The following LY86 variants were observed in gnomAD, a reference collection of about 807,000 sequenced individuals.
The protein encoded by LY86 is MD-1, RP105-associated.
A neutral mutation model predicts 17.3 loss-of-function variants in LY86; 20 were observed. The ratio of observed to expected loss-of-function variants is 1.15; its 90% CI spans 0.81 to 1.68. The LOEUF is 1.68. LY86 is among the 40% of genes most tolerant of loss of function. The probability of loss-of-function intolerance (pLI) is 0.00; values close to 1 mark genes in which losing one functional copy is unlikely to be tolerated. For missense variants in LY86, 200 were observed against 191.9 expected (o/e 1.04, Z -0.25); for synonymous variants, 74 against 70.6 (o/e 1.05, Z -0.24).
At chr6:6,630,151 C>G (rs1332333061) in intron 3 of LY86, among the ~76,000 whole-genome samples, 1 of 151,994 alleles carries the variant, frequency 6.6e-6, no homozygotes, top group Non-Finnish European at 1.5e-5. Context: ...CAAGGTTACT[C>G]TTTTAAGTGT....
At chr6:6,612,287 G>A (rs772715117) in intron 1 of LY86, among the ~76,000 whole-genome samples, 46 of 152,264 alleles carry the variant, frequency 3.0e-4, no homozygotes, top group Non-Finnish European at 4.7e-4. Context: ...TTTCTTTCTC[G>A]TGGGTTAGTG....
rs1441286059 is a variant in LY86 at position 6,636,669 on chromosome 6, GGA to G, written c.352+10254_352+10255del. ...TTCCCTGGCCCTCTTGTCCCTGTGG[GGA>G]GAGAGTGTCATTTGCATCTCTCATG... is the stretch of plus-strand genomic sequence containing the variant. On this transcript the variant is annotated intron_variant, in intron 3 of 4. Coordinates refer to ENST00000230568, the MANE Select transcript of LY86 (RefSeq NM_004271.4). Among the ~76,000 whole-genome samples the G allele has an allele frequency of 5.9e-5, 9 of 152,140 alleles. No individual in the cohort carries two copies. In the East Asian group the frequency reaches 1.7e-3, roughly 29 times the overall value.
intron 3 of LY86, among the ~76,000 whole-genome samples, chr6:6,642,541 G>T (rs1762054422): frequency 6.6e-6 from 1 of 152,212 alleles, no homozygotes; most frequent in South Asian, 2.1e-4. Context: ...AGCCTTTAAG[G>T]CCCACTGGGA....
intron 1 of LY86, among the ~76,000 whole-genome samples, chr6:6,616,367 G>A (rs1017397391): frequency 6.6e-6 from 1 of 152,170 alleles, no homozygotes; most frequent in Non-Finnish European, 1.5e-5. Context: ...TGTACTGCAG[G>A]GTGAGACCCG....
At chr6:6,611,187 T>G (rs901133533) in intron 1 of LY86, among the ~76,000 whole-genome samples, 1 of 152,224 alleles carries the variant, frequency 6.6e-6, no homozygotes, top group Non-Finnish European at 1.5e-5. Flanking sequence ...CTTGATTTTA[T>G]GAAGAGCTTT....
chr6:6,618,212 C>G (rs937173348), intron 1 of LY86, among the ~76,000 whole-genome samples: 1 of 152,188 alleles, frequency 6.6e-6, no homozygotes, highest in Non-Finnish European at 1.5e-5. Context: ...TTATTTTCCT[C>G]AAGACATTTG....
chr6:6,635,594 T>C (rs1761948535), intron 3 of LY86, among the ~76,000 whole-genome samples: 1 of 152,238 alleles, frequency 6.6e-6, no homozygotes, highest in Admixed American at 6.5e-5. Context: ...ATGTTATACT[T>C]GTTTGCTCAC....
intron 1 of LY86, among the ~76,000 whole-genome samples, chr6:6,591,693 G>T (rs1161879331): frequency 6.6e-6 from 1 of 152,176 alleles, no homozygotes; most frequent in Non-Finnish European, 1.5e-5. Context: ...TATCCCCAGG[G>T]TCACAGAGAA....
At chr6:6,617,951 C>T (rs1244963474) in intron 1 of LY86, among the ~76,000 whole-genome samples, 1 of 152,196 alleles carries the variant, frequency 6.6e-6, no homozygotes, top group Admixed American at 6.5e-5. Flanking sequence ...AGCGGTTCTC[C>T]TGCCTCAGCC....
chr6:6,593,533 T>C (rs1203069597), intron 1 of LY86, among the ~76,000 whole-genome samples: 1 of 152,242 alleles, frequency 6.6e-6, no homozygotes, highest in East Asian at 1.9e-4. Flanking sequence ...GTGAAGATTA[T>C]GTGAGAAGGA....
intron 1 of LY86, among the ~76,000 whole-genome samples, chr6:6,614,409 G>A (rs953388805): frequency 6.3e-5 from 9 of 142,684 alleles, no homozygotes; most frequent in African/African-American, 2.1e-4. Flanking sequence ...GTGTATGCTT[G>A]CATTCCCACC....
intron 1 of LY86, among the ~76,000 whole-genome samples, chr6:6,610,151 G>A (rs1263887396): frequency 6.6e-5 from 10 of 152,134 alleles, no homozygotes; most frequent in East Asian, 1.9e-4. Flanking sequence ...GAACACGTGC[G>A]TGCGTGTGAA....
intron 1 of LY86, among the ~76,000 whole-genome samples, chr6:6,591,747 T>A (rs1760536545): frequency 6.6e-6 from 1 of 152,066 alleles, no homozygotes; most frequent in Non-Finnish European, 1.5e-5. Flanking sequence ...AACAAATTGA[T>A]CCCCAGCCTG....
intron 3 of LY86, among the ~76,000 whole-genome samples, chr6:6,640,516 T>C (rs1762024696): frequency 6.6e-6 from 1 of 151,954 alleles, no homozygotes; most frequent in Non-Finnish European, 1.5e-5. Context: ...AGCTGGGAGT[T>C]TGAGACCAGA....
At chr6:6,621,675 C>T (rs1761680210) in intron 1 of LY86, among the ~76,000 whole-genome samples, 1 of 152,138 alleles carries the variant, frequency 6.6e-6, no homozygotes, top group South Asian at 2.1e-4. Context: ...CAAAGGATAT[C>T]CAAAACAAAA....
chr6:6,614,331 T>C (rs1051555), intron 1 of LY86, among the ~76,000 whole-genome samples: 4 of 152,024 alleles, frequency 2.6e-5, no homozygotes, highest in Non-Finnish European at 5.9e-5. Flanking sequence ...GTCTCTTAAG[T>C]AGTTCCTTCA....
intron 1 of LY86, among the ~76,000 whole-genome samples, chr6:6,605,460 C>T (rs1761083773): frequency 6.6e-6 from 1 of 152,234 alleles, no homozygotes; most frequent in South Asian, 2.1e-4. Context: ...AGGGCTGTTA[C>T]TGGAGTTCAA....
intron 1 of LY86, among the ~76,000 whole-genome samples, chr6:6,624,715 G>T (rs1245917757): frequency 6.6e-6 from 1 of 152,158 alleles, no homozygotes; most frequent in Admixed American, 6.5e-5. Flanking sequence ...ATGGATGGAG[G>T]CCCCCTGTTG....
intron 1 of LY86, among the ~76,000 whole-genome samples, chr6:6,589,705 C>T (rs930658414): frequency 1.4e-4 from 22 of 152,194 alleles, no homozygotes; most frequent in African/African-American, 5.1e-4. Context: ...TTCTCCCTGT[C>T]TCCTCATGTG....
Sources: allele counts gnomAD v4.1 joint callset (sites outside exome capture counted in the v4.1 genomes callset), GRCh38; gene constraint gnomAD v4.1.1; transcripts MANE v1.5; gene names NCBI Gene and HGNC (gene_info 2026-07-23, HGNC 2026-07-21).